The following ANKRD13D variants were observed in gnomAD, a reference collection of about 807,000 sequenced individuals.
The protein encoded by ANKRD13D is ankyrin repeat domain-containing protein 13D.
In ANKRD13D, 24 loss-of-function variants were observed where a neutral mutation model predicts 68.8. That is an observed-to-expected ratio of 0.35 (90% CI 0.25 to 0.49). The LOEUF is 0.49. ANKRD13D is among the 20% of genes least tolerant of loss of function. ANKRD13D has a pLI of 0.99. For missense variants in ANKRD13D, 735 were observed against 832.1 expected (o/e 0.88, Z 1.44); for synonymous variants, 331 against 336.1 (o/e 0.98, Z 0.16).
chr11:67,300,384 G>A lies in ANKRD13D; in HGVS notation c.1073+261G>A. The A allele has an allele frequency of 2.1e-6, 1 of 486,984 alleles. No homozygotes were observed. The highest frequency in any genetic ancestry group is 2.0e-5 in the African/African-American group (1 of 51,166). The allele number at this position is 486,984 out of a possible 1,614,324, so 30.2% of individuals were successfully genotyped here. A position where few individuals can be genotyped will look rare whatever the true frequency, so the allele number is the denominator to read the frequency against. ...TTTCTATTGAATTTCATGAGTACCTGCTGGGGCCAGCGTGGCACAGTGGGA... is the reference window on the plus strand; with the variant it reads ...TTTCTATTGAATTTCATGAGTACCTACTGGGGCCAGCGTGGCACAGTGGGA... On this transcript the variant is annotated intron_variant, in intron 10 of 14. Transcript: ENST00000511455. The surrounding 1 kb of genome is among the most constrained non-coding windows in gnomAD (Gnocchi z 4.3).
At chr11:67,296,355 G>T (rs1329586435) in intron 6 of ANKRD13D, among the ~76,000 whole-genome samples, 6 of 151,772 alleles carry the variant, frequency 4.0e-5, no homozygotes, top group Admixed American at 3.9e-4. Context: ...GTGTGTGTGT[G>T]TGTGTGTGTG....
rs765320673 is a variant in ANKRD13D at position 67,301,137 on chromosome 11, C to T, written c.1221C>T (p.Pro407=). The part of the protein sequence containing the change: ...FITLRLPPGF[P]VKIEIPLFHV... ...CTCTGCGCCTTCCACCTGGCTTCCC[C>T]GTCAAAATTGGTGAGAGGCTGGGCA... The change falls in exon 11 of 15, where the codon CCC becomes CCT. Residue 407 remains proline, a synonymous_variant. Transcript: ENST00000511455. The surrounding 1 kb of genome is among the most constrained non-coding windows in gnomAD (Gnocchi z 4.5). 35 of 1,613,550 alleles carry T rather than the reference C, an allele frequency of 2.2e-5. No homozygotes were observed. Among genetic ancestry groups the T allele is most frequent in the Middle Eastern group, 1.6e-4 (1 of 6,082 alleles).
rs1004405644 is a variant in ANKRD13D, at chr11:67,300,852, C to T, written c.1074-138C>T. ...GACACCAGCTCCCGGGGGAGGCGGG[C>T]AGCGGCATCTGAGCAGAGCAGGGCA... is the stretch of plus-strand genomic sequence containing the variant. On this transcript the variant is annotated intron_variant, in intron 10 of 14. Transcript: ENST00000511455. This position sits in a 1 kb window ranked among gnomAD's most constrained non-coding sequence, Gnocchi z 4.3. 1 of 1,084,506 alleles carries T rather than the reference C, an allele frequency of 9.2e-7. No individual in the cohort carries two copies. Among genetic ancestry groups the T allele is most frequent in the Middle Eastern group, 2.1e-4 (1 of 4,752 alleles). The allele number at this position is 1,084,506 out of a possible 1,614,324, so 67.2% of individuals were successfully genotyped here. A position where few individuals can be genotyped will look rare whatever the true frequency, so the allele number is the denominator to read the frequency against.
Position 67,289,692 on chromosome 11 carries a change from G to C in ANKRD13D, c.90+142G>C, listed in dbSNP as rs1860452165. 8 of 1,282,362 alleles carry C rather than the reference G, an allele frequency of 6.2e-6. No individual in the cohort carries two copies. The East Asian group carries it at 2.4e-4, about 39-fold the overall frequency. The allele number at this position is 1,282,362 out of a possible 1,614,324, so 79.4% of individuals were successfully genotyped here. ...GCCTTCCTCCCCTGCACGATCCCAA[G>C]CCCAGGTCACCGGCCCCTCGCGCCT... On this transcript the variant is annotated intron_variant, in intron 1 of 14. Coordinates refer to ENST00000511455, the MANE Select transcript of ANKRD13D (RefSeq NM_207354.3).
intron 4 of ANKRD13D, 34 bp downstream of exon 4, chr11:67,291,555 G>A: frequency 6.2e-7 from 1 of 1,613,854 alleles, no homozygotes; most frequent in South Asian, 1.1e-5. Context: ...CAGGGATTTG[G>A]GGTGGGGCCT....
rs375037564 is a variant in ANKRD13D at position 67,301,612 on chromosome 11, C to T, written c.1473C>T (p.Ile491=). The part of the protein sequence containing the change: ...DEDDDLLQFA[I]QQSLLEAGTE... The stretch of plus-strand genomic sequence containing the variant: ...ACGATGACCTCCTGCAGTTCGCCAT[C>T]CAGCAGAGCCTGCTTGAAGCGGGCA... The change falls in exon 13 of 15, where the codon ATC becomes ATT. Residue 491 remains isoleucine (I), a synonymous_variant. Transcript: ENST00000511455. The surrounding 1 kb of genome is among the most constrained non-coding windows in gnomAD (Gnocchi z 4.5). 12 of 1,612,696 alleles carry T rather than the reference C, an allele frequency of 7.4e-6. No homozygotes were observed. Among genetic ancestry groups the T allele is most frequent in the Admixed American group, 3.3e-5 (2 of 59,998 alleles).
Position 67,289,389 on chromosome 11 carries a change from C to T in ANKRD13D, c.-72C>T, listed in dbSNP as rs1860433288. ...CGGGGGGCGCAGCTGGGGCGCGGCT[C>T]GGAGGGGAGGCTAGGGGGCCGTGCC... On this transcript the variant is annotated 5_prime_UTR_variant, in exon 1 of 15. Transcript: ENST00000511455. The T allele has an allele frequency of 8.7e-6, 10 of 1,152,772 alleles. No individual in the cohort carries two copies. The highest frequency in any genetic ancestry group is 1.1e-5 in the Non-Finnish European group (10 of 914,490). 71.4% of individuals were successfully genotyped at this position (1,152,772 alleles called of 1,614,324 possible).
Position 67,292,051 on chromosome 11 carries a change from TG to T in ANKRD13D, c.606del (p.Leu203SerfsTer74). 1 of 1,606,320 alleles carries T rather than the reference TG, an allele frequency of 6.2e-7. No homozygotes were observed. The highest frequency in any genetic ancestry group is 8.5e-7 in the Non-Finnish European group (1 of 1,174,552). ...HDRQVVHVET[L>X]GLTLQEPETL... is the part of the protein sequence containing the mutation. ...CGGCAGGTGGTGCATGTGGAGACAC[TG>T]GGGCTCACTCTGCAGGAGCCCGAAA... On this transcript the variant is annotated frameshift_variant, in exon 6 of 15. Transcript: ENST00000511455. LOFTEE classifies it high-confidence loss of function.
At position 67,300,362 on chromosome 11, in the gene ANKRD13D, C is replaced by G; in HGVS notation, c.1073+239C>G. 1.8e-6 allele frequency: 1 copy of G among 549,114 alleles called. No individual in the cohort carries two copies. The highest frequency in any genetic ancestry group is 3.1e-6 in the Non-Finnish European group (1 of 320,760). The allele number at this position is 549,114 out of a possible 1,614,324, so 34.0% of individuals were successfully genotyped here. A position where few individuals can be genotyped will look rare whatever the true frequency, so the allele number is the denominator to read the frequency against. ...GATGGTGCCACCCATGTATGGTTTT[C>G]TATTGAATTTCATGAGTACCTGCTG... On this transcript the variant is annotated intron_variant, in intron 10 of 14. Transcript: ENST00000511455. The surrounding 1 kb of genome is among the most constrained non-coding windows in gnomAD (Gnocchi z 4.3).
At position 67,301,432 on chromosome 11, in the gene ANKRD13D, G is replaced by C; in HGVS notation, c.1348+34G>C. On this transcript the variant is annotated intron_variant, in intron 12 of 14. Transcript: ENST00000511455. This position sits in a 1 kb window ranked among gnomAD's most constrained non-coding sequence, Gnocchi z 4.5. ...ACGGGAGGAAGAGGGAGCCTGCACA[G>C]CTTTCTGGTCACCAAGCCCCGCGGG... 6.2e-7 allele frequency: 1 copy of C among 1,607,552 alleles called. No homozygotes were observed. The highest frequency in any genetic ancestry group is 2.2e-5 in the East Asian group (1 of 44,748).
chr11:67,302,293 C>T lies in ANKRD13D; in HGVS notation c.1779C>T (p.Asp593=), dbSNP rs1184962167. 1.3e-6 allele frequency: 2 copies of T among 1,556,860 alleles called. No individual in the cohort carries two copies. Among genetic ancestry groups the T allele is most frequent in the Non-Finnish European group, 1.7e-6 (2 of 1,148,772 alleles). Residue 593 remains aspartate, a synonymous_variant, in exon 15 of 15, where the codon GAC becomes GAT. Coordinates refer to ENST00000511455, the MANE Select transcript of ANKRD13D (RefSeq NM_207354.3). ...GGCGCGGGCAGCAGGAGGAGGAGGA[C>T]TTACAGCGGATCCTGCAGCTGTCAC... ...RERRGQQEEE[D]LQRILQLSLT... is the part of the protein sequence containing the mutation.
intron 6 of ANKRD13D, chr11:67,298,790 G>T: frequency 2.0e-6 from 1 of 491,896 alleles, no homozygotes; most frequent in Non-Finnish European, 3.7e-6. Context: ...AATTCTAAAA[G>T]ACAAGGATGT....
Position 67,291,508 on chromosome 11 carries a change from G to A in ANKRD13D, c.384G>A (p.Glu128=). 2 of 1,613,984 alleles carry A rather than the reference G, an allele frequency of 1.2e-6. No individual in the cohort carries two copies. Among genetic ancestry groups the A allele is most frequent in the South Asian group, 1.1e-5 (1 of 91,088 alleles). ...ATTTCTACGTTGAGATGAAGTGGGA[G>A]TTCACCAGCTGGGGTGAGTGGGGAC... is the stretch of plus-strand genomic sequence containing the variant. ...APDFYVEMKW[E]FTSWVPLVSK... The change falls in exon 4 of 15, where the codon GAG becomes GAA. Residue 128 remains glutamate, a synonymous_variant. Transcript: ENST00000511455.
chr11:67,291,114 T>G, intron 3 of ANKRD13D: 1 of 268,092 alleles, frequency 3.7e-6, no homozygotes. Flanking sequence ...TCCCAGCGCT[T>G]TCTGAGGCCA....
At chr11:67,293,580 C>T (rs999532141) in intron 6 of ANKRD13D, among the ~76,000 whole-genome samples, 1 of 152,192 alleles carries the variant, frequency 6.6e-6, no homozygotes, top group African/African-American at 2.4e-5. Context: ...TGGCTCATTG[C>T]ACCCTCCACC....
At chr11:67,292,300 G>T (rs1344640466) in intron 6 of ANKRD13D, 120 bp downstream of exon 6, 5 of 1,197,676 alleles carry the variant, frequency 4.2e-6, no homozygotes, top group Middle Eastern at 4.5e-4. Flanking sequence ...CTCACAAGGG[G>T]CTGCTCAGGG....
At position 67,300,881 on chromosome 11, in the gene ANKRD13D, C is replaced by T. The variant is rs1410770184; in HGVS notation, c.1074-109C>T. On this transcript the variant is annotated intron_variant, in intron 10 of 14. Coordinates refer to ENST00000511455, the MANE Select transcript of ANKRD13D (RefSeq NM_207354.3). This position sits in a 1 kb window ranked among gnomAD's most constrained non-coding sequence, Gnocchi z 4.3. ...GGCATCTGAGCAGAGCAGGGCACTC[C>T]AGGCCAGGCAGAAGGTGGGTAAAGG... 1 of 1,401,400 alleles carries T rather than the reference C, an allele frequency of 7.1e-7. No homozygotes were observed. The highest frequency in any genetic ancestry group is 9.7e-7 in the Non-Finnish European group (1 of 1,033,706). The allele number at this position is 1,401,400 out of a possible 1,614,324, so 86.8% of individuals were successfully genotyped here.
chr11:67,302,199 C>T lies in ANKRD13D; in HGVS notation c.1685C>T (p.Pro562Leu). 1 of 1,591,646 alleles carries T rather than the reference C, an allele frequency of 6.3e-7. No individual in the cohort carries two copies. The change falls in exon 15 of 15, where the codon CCA (proline) becomes CTA (leucine). Residue 562 changes from proline (P) to leucine (L), a missense_variant. By Grantham distance (98) the Pro-to-Leu change is moderately conservative. Transcript: ENST00000511455. Reference sequence around the variant, plus strand: ...CCCAGGACACCCCCAGCCCCCGGTCCACCCAGCTTTGAAGAGCAGCTGCGC... The same window carrying T: ...CCCAGGACACCCCCAGCCCCCGGTCTACCCAGCTTTGAAGAGCAGCTGCGC... ...SPPRTPPAPG[P>L]PSFEEQLRLA...
At position 67,291,745 on chromosome 11, in the gene ANKRD13D, G is replaced by C. The variant is rs1248629204; in HGVS notation, c.540G>C (p.Gln180His). 1 of 1,613,732 alleles carries C rather than the reference G, an allele frequency of 6.2e-7. No individual in the cohort carries two copies. The highest frequency in any genetic ancestry group is 1.3e-5 in the African/African-American group (1 of 74,942). Residue 180 changes from glutamine (Q) to histidine (H), a missense_variant and splice_region_variant, in exon 5 of 15, where the codon CAG becomes CAC. Gln to His is a conservative substitution (Grantham distance 24). Transcript: ENST00000511455. Reference sequence around the variant, plus strand: ...GGAGGAGCTTCATCTTCAAGGGCCAGGGTGAGCTCTGGACAAACTCATTGC... The same window carrying C: ...GGAGGAGCTTCATCTTCAAGGGCCACGGTGAGCTCTGGACAAACTCATTGC... ...RGRRSFIFKGQEAGALVMEVD... is the reference protein window; with the variant it reads ...RGRRSFIFKGHEAGALVMEVD...
Sources: allele counts gnomAD v4.1 joint callset (sites outside exome capture counted in the v4.1 genomes callset), GRCh38; gene constraint gnomAD v4.1.1; non-coding constraint Gnocchi (gnomAD v3.1); transcripts MANE v1.5; gene names NCBI Gene and HGNC (gene_info 2026-07-23, HGNC 2026-07-21).